Variants in MAGI2 observed in about 807,000 individuals in gnomAD.
MAGI2 encodes the protein membrane associated guanylate kinase, WW and PDZ domain containing 2.
A neutral mutation model predicts 133.3 loss-of-function variants in MAGI2; 35 were observed. That is an observed-to-expected ratio of 0.26 (90% CI 0.20 to 0.35). The LOEUF is 0.35. Among genes scored for constraint, MAGI2 ranks in the 10% least tolerant of loss-of-function variants. The pLI is 1.00. For synonymous variants in MAGI2, 729 were observed against 710.6 expected (o/e 1.03, Z -0.41); for missense variants, 1,636 against 1,863.4 (o/e 0.88, Z 2.25).
chr7:78,956,517 T>A (rs1377527621), intron 2 of MAGI2, among the ~76,000 whole-genome samples: 1 of 152,178 alleles, frequency 6.6e-6, no homozygotes, highest in African/African-American at 2.4e-5. Context: ...CATATTATCT[T>A]TACTTCTGTT....
At chr7:78,464,419 T>C (rs1330564901) in intron 6 of MAGI2, among the ~76,000 whole-genome samples, 2 of 152,162 alleles carry the variant, frequency 1.3e-5, no homozygotes, top group East Asian at 3.9e-4. Flanking sequence ...GAAGCCCTTT[T>C]GCTTGTCTGG....
chr7:78,200,597 A>AT (rs1829155160), intron 11 of MAGI2, among the ~76,000 whole-genome samples: 1 of 152,134 alleles, frequency 6.6e-6, no homozygotes, highest in African/African-American at 2.4e-5. Context: ...GTATATACAT[A>AT]TATATATACA....
At chr7:78,600,550 T>C (rs538998083) in intron 3 of MAGI2, among the ~76,000 whole-genome samples, 2 of 152,284 alleles carry the variant, frequency 1.3e-5, no homozygotes, top group South Asian at 4.1e-4. Flanking sequence ...AGATTATCGA[T>C]GCATTTGGGA....
intron 2 of MAGI2, among the ~76,000 whole-genome samples, chr7:78,806,755 C>T (rs181251295): frequency 5.3e-5 from 8 of 151,960 alleles, no homozygotes; most frequent in Admixed American, 2.6e-4. Context: ...GTAGTCCTAG[C>T]TACTTGGGAG....
chr7:79,313,295 T>C (rs570331965), intron 1 of MAGI2, among the ~76,000 whole-genome samples: 1 of 152,294 alleles, frequency 6.6e-6, no homozygotes, highest in East Asian at 1.9e-4. Flanking sequence ...ATTTCCAAAA[T>C]TGGTTTTAAT....
intron 20 of MAGI2, among the ~76,000 whole-genome samples, chr7:78,082,329 GGGA>G (rs1029150651): frequency 6.6e-6 from 1 of 152,154 alleles, no homozygotes; most frequent in African/African-American, 2.4e-5. Flanking sequence ...AAAGCTACGG[GGGA>G]GGAGGAGAAG....
At chr7:78,612,683 T>C (rs938726127) in intron 3 of MAGI2, among the ~76,000 whole-genome samples, 1 of 152,078 alleles carries the variant, frequency 6.6e-6, no homozygotes, top group African/African-American at 2.4e-5. Flanking sequence ...TTTAATTTTT[T>C]TTTTGAGGCG....
chr7:79,095,842 G>A (rs149802005), intron 1 of MAGI2, among the ~76,000 whole-genome samples: 2,385 of 152,220 alleles, frequency 0.016, 22 homozygotes, highest in South Asian at 0.026. Context: ...ACAGAGACAT[G>A]AAGTGAGTGA....
chr7:79,171,758 ATATATATATATATTTT>A (rs1231802360), intron 1 of MAGI2, among the ~76,000 whole-genome samples: 2 of 31,694 alleles, frequency 6.3e-5, no homozygotes, highest in Admixed American at 2.9e-4. Context: ...ATATATATAT[ATATATATATATATTTT>A]TTTTTTTTTT....
chr7:79,316,278 C>A (rs1189298552), intron 1 of MAGI2, among the ~76,000 whole-genome samples: 1 of 152,026 alleles, frequency 6.6e-6, no homozygotes, highest in African/African-American at 2.4e-5. Flanking sequence ...CCCCCCCACT[C>A]CAAGTTACTC....
chr7:78,654,086 C>G (rs938714179), intron 2 of MAGI2, among the ~76,000 whole-genome samples: 6 of 152,102 alleles, frequency 3.9e-5, no homozygotes, highest in Non-Finnish European at 8.8e-5. Flanking sequence ...CCAGAATTAT[C>G]CTAAATCCCT....
In MAGI2 at chr7:78,479,134, A is replaced by T. The variant is rs577620180; in HGVS notation, c.1045+10627T>A. 2.0e-5 allele frequency among the ~76,000 whole-genome samples: 3 copies of T among 151,976 alleles called. No homozygotes were observed. The East Asian group carries it at 5.9e-4, about 30-fold the overall frequency. On this transcript the variant is annotated intron_variant, in intron 6 of 21. Coordinates refer to ENST00000354212, the MANE Select transcript of MAGI2 (RefSeq NM_012301.4). ...AATAATATAATCTCCAAGAATTACA[A>T]CTCTGTAGTAAGAAGTTCAGGGACA...
rs1450944395 is a variant in MAGI2, at chr7:78,795,167, A to G, written c.419-167928T>C. ...GATCTTATATTGCAAATATAAATAT[A>G]AGATTATTATAATGATCTTATATAT... On this transcript the variant is annotated intron_variant, in intron 2 of 21. Transcript: ENST00000354212. Among the ~76,000 whole-genome samples, 3 of 152,098 alleles carry G rather than the reference A, an allele frequency of 2.0e-5. No individual in the cohort carries two copies. In the East Asian group the frequency reaches 5.8e-4, roughly 29 times the overall value.
At chr7:78,176,194 CT>C (rs1297353385) in intron 14 of MAGI2, among the ~76,000 whole-genome samples, 1 of 152,106 alleles carries the variant, frequency 6.6e-6, no homozygotes, top group Non-Finnish European at 1.5e-5. Context: ...AATTTAGTCT[CT>C]GAATAAATTT....
chr7:78,115,328 T>G (rs1468403995), intron 20 of MAGI2, among the ~76,000 whole-genome samples: 1 of 151,626 alleles, frequency 6.6e-6, no homozygotes. Context: ...ATAGAATAAG[T>G]GAAACTAATA....
rs184506340 is a variant in MAGI2 at position 79,188,347 on chromosome 7, G to T, written c.302-181141C>A. 8.2e-4 allele frequency among the ~76,000 whole-genome samples: 124 copies of T among 151,796 alleles called. 3 individuals are homozygous for T. The highest frequency in any genetic ancestry group is 2.9e-3 in the African/African-American group (120 of 41,328). ...TGTGTCCATGTGTTCTCATTGTTCA[G>T]CTCCCACTTATAAGTGAGAACATGT... On this transcript the variant is annotated intron_variant, in intron 1 of 21. Transcript: ENST00000354212.
intron 2 of MAGI2, among the ~76,000 whole-genome samples, chr7:78,882,776 A>T (rs566032148): frequency 6.6e-6 from 1 of 152,286 alleles, no homozygotes; most frequent in Admixed American, 6.5e-5. Context: ...ACCTCAATAG[A>T]CGCAAAGAAA....
intron 21 of MAGI2, among the ~76,000 whole-genome samples, chr7:78,022,699 T>C (rs1425065462): frequency 3.9e-5 from 6 of 152,236 alleles, no homozygotes; most frequent in African/African-American, 1.4e-4. Context: ...GGCATTGAAC[T>C]GGAGAGTTCC....
At chr7:78,132,492 C>A (rs56281277) in intron 18 of MAGI2, among the ~76,000 whole-genome samples, 3 of 152,226 alleles carry the variant, frequency 2.0e-5, no homozygotes, top group Non-Finnish European at 4.4e-5. Context: ...TCACTGGCTT[C>A]ATCTCACATC....
Sources: gnomAD v4.1 joint callset for allele counts (sites outside exome capture counted in the v4.1 genomes callset) on GRCh38, gnomAD v4.1.1 for gene constraint, MANE v1.5 for transcripts, NCBI Gene and HGNC (gene_info 2026-07-23, HGNC 2026-07-21) for gene names.